AHSA1: variants seen among roughly 807,000 people sequenced by gnomAD.
The protein encoded by AHSA1 is activator of 90 kDa heat shock protein ATPase homolog 1.
In AHSA1, 14 loss-of-function variants were observed where a neutral mutation model predicts 46.1. The ratio of observed to expected loss-of-function variants is 0.30; its 90% CI spans 0.20 to 0.47. The LOEUF is 0.47. Among genes scored for constraint, AHSA1 ranks in the 20% least tolerant of loss-of-function variants. The pLI is 0.99. For synonymous variants in AHSA1, 147 were observed against 145.8 expected (o/e 1.01, Z -0.06); for missense variants, 333 against 415.9 (o/e 0.80, Z 1.73).
rs1463882516 is a variant in AHSA1 at position 77,467,934 on chromosome 14, T to C, written c.691-149T>C. 8 of 566,378 alleles carry C rather than the reference T, an allele frequency of 1.4e-5. No homozygotes were observed. In the East Asian group the frequency reaches 1.5e-4, roughly 10 times the overall value. 35.1% of individuals were successfully genotyped at this position (566,378 alleles called of 1,614,324 possible). On this transcript the variant is annotated intron_variant, in intron 6 of 8. Coordinates refer to ENST00000216479, the MANE Select transcript of AHSA1 (RefSeq NM_012111.3). Reference sequence around the variant, plus strand: ...AGTCCTGGCTGGTATTAAAACAGAATAGAGGGACACCCTGGACCCGCCTGT... The same window carrying C: ...AGTCCTGGCTGGTATTAAAACAGAACAGAGGGACACCCTGGACCCGCCTGT...
intron 2 of AHSA1, among the ~76,000 whole-genome samples, chr14:77,461,609 CAG>C (rs1479934838): frequency 2.0e-5 from 3 of 152,142 alleles, no homozygotes; most frequent in Admixed American, 2.0e-4. Context: ...CATCCACAAT[CAG>C]AGGGAACATT....
intron 2 of AHSA1, 91 bp downstream of exon 2, chr14:77,459,897 C>G (rs566505893): frequency 2.1e-6 from 3 of 1,422,484 alleles, no homozygotes; most frequent in Non-Finnish European, 3.0e-6. Context: ...AGTTACAGAC[C>G]TTGAAGGGAG....
At chr14:77,460,895 A>C (rs7148765) in intron 2 of AHSA1, among the ~76,000 whole-genome samples, 25,459 of 151,668 alleles carry the variant, frequency 0.17, 2,231 homozygotes, top group African/African-American at 0.21. Context: ...CGTGGTGGCT[A>C]ACGCCTGTAA....
At position 77,465,408 on chromosome 14, in the gene AHSA1, A is replaced by C. The variant is rs148681862; in HGVS notation, c.562-131A>C. The C allele has an allele frequency of 6.0e-3, 6,427 of 1,063,582 alleles. 31 individuals carry two copies. Among genetic ancestry groups the C allele is most frequent in the Middle Eastern group, 0.021 (81 of 3,892 alleles). 65.9% of individuals were successfully genotyped at this position (1,063,582 alleles called of 1,614,324 possible). A position where few individuals can be genotyped will look rare whatever the true frequency, so the allele number is the denominator to read the frequency against. On this transcript the variant is annotated intron_variant, in intron 5 of 8. Coordinates refer to ENST00000216479, the MANE Select transcript of AHSA1 (RefSeq NM_012111.3). Reference sequence around the variant, plus strand: ...CACCTACACACTCAAATTCCCTTCAAACCCCTTGGAATAATTACCCTTGGA... The same window carrying C: ...CACCTACACACTCAAATTCCCTTCACACCCCTTGGAATAATTACCCTTGGA...
At chr14:77,462,823 G>A in intron 4 of AHSA1, 64 bp downstream of exon 4, 1 of 1,395,212 alleles carries the variant, frequency 7.2e-7, no homozygotes. Flanking sequence ...CTCTGGTTAA[G>A]GGCCTGGACA....
At chr14:77,459,859 T>A (rs746862427) in intron 2 of AHSA1, 53 bp downstream of exon 2, 5 of 1,594,320 alleles carry the variant, frequency 3.1e-6, no homozygotes, top group Non-Finnish European at 4.3e-6. Flanking sequence ...TTTAACCTGT[T>A]AAGTAGCTGG....
chr14:77,460,626 C>T (rs1038378234), intron 2 of AHSA1, among the ~76,000 whole-genome samples: 1 of 150,326 alleles, frequency 6.7e-6, no homozygotes, highest in African/African-American at 2.5e-5. Flanking sequence ...AGTGCAGTGG[C>T]ACGATCTTGG....
intron 5 of AHSA1, among the ~76,000 whole-genome samples, chr14:77,465,011 G>A (rs1368450426): frequency 6.6e-6 from 1 of 152,168 alleles, no homozygotes; most frequent in Non-Finnish European, 1.5e-5. Flanking sequence ...TAATTGGTGT[G>A]TTGATATTTC....
At chr14:77,465,005 T>C (rs538032524) in intron 5 of AHSA1, among the ~76,000 whole-genome samples, 1 of 152,186 alleles carries the variant, frequency 6.6e-6, no homozygotes, top group African/African-American at 2.4e-5. Context: ...TCAGTCTAAT[T>C]GGTGTGTTGA....
At position 77,469,282 on chromosome 14, in the gene AHSA1, A is replaced by G. The variant is rs368950007; in HGVS notation, c.*33A>G. On this transcript the variant is annotated 3_prime_UTR_variant, in exon 9 of 9. Transcript: ENST00000216479. ...GGCAGGGGACTCCAGCCTGCTGGAC[A>G]CTTCAGTCCAGCTCTCTCCTGACTG... 5 of 1,606,546 alleles carry G rather than the reference A, an allele frequency of 3.1e-6. No individual in the cohort carries two copies. The highest frequency in any genetic ancestry group is 4.3e-6 in the Non-Finnish European group (5 of 1,175,140).
At chr14:77,458,864 G>C (rs893564286) in intron 1 of AHSA1, among the ~76,000 whole-genome samples, 4 of 152,142 alleles carry the variant, frequency 2.6e-5, no homozygotes, top group Non-Finnish European at 4.4e-5. Context: ...TAAAATAACT[G>C]CCCTCCTTCA....
chr14:77,462,181 A>G lies in AHSA1; in HGVS notation c.293A>G (p.Gln98Arg). The G allele has an allele frequency of 1.2e-6, 2 of 1,612,956 alleles. No individual in the cohort carries two copies. The highest frequency in any genetic ancestry group is 8.5e-7 in the Non-Finnish European group (1 of 1,178,870). ...ACAGGTACTTCTAAGTCAGGAGTAC[A>G]ATACAAAGGACATGTGGAGATCCCC... ...NWTGTSKSGV[Q>R]YKGHVEIPNL... The change falls in exon 3 of 9, where the codon CAA becomes CGA. Residue 98 changes from glutamine to arginine, a missense_variant. Physicochemically the swap from Gln to Arg is conservative, Grantham distance 43. Coordinates refer to ENST00000216479, the MANE Select transcript of AHSA1 (RefSeq NM_012111.3).
chr14:77,462,804 C>T (rs760722075), intron 4 of AHSA1, 45 bp downstream of exon 4: 2 of 1,523,772 alleles, frequency 1.3e-6, no homozygotes, highest in East Asian at 2.3e-5. Context: ...GTAGTTTCCA[C>T]CTGTTAGACT....
intron 2 of AHSA1, among the ~76,000 whole-genome samples, chr14:77,460,572 CTT>C (rs35050436): frequency 1.9e-3 from 279 of 143,988 alleles, no homozygotes; most frequent in Middle Eastern, 3.6e-3. Context: ...CTCAGACCTC[CTT>C]TTTTTTTTTT....
At chr14:77,462,896 G>C in intron 4 of AHSA1, 137 bp downstream of exon 4, 1 of 711,740 alleles carries the variant, frequency 1.4e-6, no homozygotes, top group South Asian at 1.6e-5. Context: ...CTTAAAGTCA[G>C]TCCATAAGCT....
At position 77,469,118 on chromosome 14, in the gene AHSA1, G is replaced by A. The variant is rs761658354; in HGVS notation, c.886G>A (p.Gly296Arg). The A allele has an allele frequency of 9.9e-6, 16 of 1,614,036 alleles. No individual in the cohort carries two copies. Among genetic ancestry groups the A allele is most frequent in the Non-Finnish European group, 1.3e-5 (15 of 1,180,032 alleles). The change falls in exon 9 of 9, where the codon GGA becomes AGA. Residue 296 changes from glycine to arginine, a missense_variant. Coordinates refer to ENST00000216479, the MANE Select transcript of AHSA1 (RefSeq NM_012111.3). ...TITLTFIDKN[G>R]ETELCMEGRG... is the part of the protein sequence containing the mutation. ...CACCTTGACCTTCATCGACAAGAACGGAGAGACTGAGCTGTGCATGGAAGG... is the reference window on the plus strand; with the variant it reads ...CACCTTGACCTTCATCGACAAGAACAGAGAGACTGAGCTGTGCATGGAAGG...
At chr14:77,468,721 C>CTTTTTTTTTTTTTTTTT (rs572116649) in intron 8 of AHSA1, 11 of 224,430 alleles carry the variant, frequency 4.9e-5, no homozygotes, top group Non-Finnish European at 5.7e-5. Context: ...ACCATGCCAG[C>CTTTTTTTTTTTTTTTTT]TTTTTTTTTT....
At chr14:77,468,277 C>A in intron 7 of AHSA1, 93 bp downstream of exon 7, 1 of 1,100,046 alleles carries the variant, frequency 9.1e-7, no homozygotes, top group Non-Finnish European at 1.3e-6. Context: ...AAATGTAAGG[C>A]TTTAATCTCT....
intron 2 of AHSA1, among the ~76,000 whole-genome samples, chr14:77,460,589 CAG>C (rs1345454783): frequency 2.8e-5 from 4 of 144,404 alleles, no homozygotes; most frequent in African/African-American, 5.2e-5. Context: ...TTTTTTTAGA[CAG>C]AGTTTTGCTC....
Sources: allele counts gnomAD v4.1 joint callset (sites outside exome capture counted in the v4.1 genomes callset), GRCh38; gene constraint gnomAD v4.1.1; transcripts MANE v1.5; gene names NCBI Gene and HGNC (gene_info 2026-07-23, HGNC 2026-07-21).